Variants in VGLL3 observed in about 807,000 individuals in gnomAD.
VGLL3 encodes transcription cofactor vestigial-like protein 3.
In VGLL3, 18 loss-of-function variants were observed where a neutral mutation model predicts 29.2. The ratio of observed to expected loss-of-function variants is 0.62; its 90% CI spans 0.43 to 0.91. The LOEUF is 0.91. VGLL3 is among the 40% of genes least tolerant of loss of function. The pLI is 0.00. For missense variants in VGLL3, 440 were observed against 413.2 expected (o/e 1.06, Z -0.56); for synonymous variants, 180 against 151.8 (o/e 1.19, Z -1.36).
At chr3:86,979,824 G>A (rs1328994292) in intron 1 of VGLL3, among the ~76,000 whole-genome samples, 1 of 151,882 alleles carries the variant, frequency 6.6e-6, no homozygotes, top group African/African-American at 2.4e-5. Context: ...CTAGCATATA[G>A]ATATGCGTGT....
At chr3:86,983,452 C>G (rs1453857500) in intron 1 of VGLL3, among the ~76,000 whole-genome samples, 1 of 152,124 alleles carries the variant, frequency 6.6e-6, no homozygotes, top group South Asian at 2.1e-4. Context: ...AGTGCAATGG[C>G]GTGACCACGG....
intron 3 of VGLL3, chr3:86,962,974 A>G: frequency 4.9e-6 from 1 of 202,480 alleles, no homozygotes. Context: ...AGATGCCTGT[A>G]ATTCCAGCTA....
At position 86,990,912 on chromosome 3, in the gene VGLL3, C is replaced by T; in HGVS notation, c.-169G>A. ...TCGGGCTCCGCGCGGGGCGCGGGGT[C>T]GGGAGGGACTGGCAATCAGCGGGGG... On this transcript the variant is annotated 5_prime_UTR_variant, in exon 1 of 4. Coordinates refer to ENST00000398399, the MANE Select transcript of VGLL3 (RefSeq NM_016206.4). 2 of 1,111,410 alleles carry T rather than the reference C, an allele frequency of 1.8e-6. No homozygotes were observed. The highest frequency in any genetic ancestry group is 1.7e-5 in the African/African-American group (1 of 60,294). The allele number at this position is 1,111,410 out of a possible 1,614,324, so 68.8% of individuals were successfully genotyped here. A position where few individuals can be genotyped will look rare whatever the true frequency, so the allele number is the denominator to read the frequency against.
chr3:86,948,695 T>C (rs747938860), intron 3 of VGLL3, among the ~76,000 whole-genome samples: 5 of 152,192 alleles, frequency 3.3e-5, no homozygotes, highest in Admixed American at 6.5e-5. Flanking sequence ...TGCCAAAAGA[T>C]TGGCTCCACC....
intron 3 of VGLL3, among the ~76,000 whole-genome samples, chr3:86,958,163 A>AT (rs796311432): frequency 3.6e-4 from 53 of 148,430 alleles, no homozygotes; most frequent in South Asian, 1.1e-3. Context: ...GCTCAATTCC[A>AT]TTTTTTTTTT....
At chr3:86,983,070 T>A (rs1705361455) in intron 1 of VGLL3, among the ~76,000 whole-genome samples, 1 of 152,254 alleles carries the variant, frequency 6.6e-6, no homozygotes, top group Non-Finnish European at 1.5e-5. Context: ...GAGAAAGACT[T>A]CCATGTCAGG....
chr3:86,945,859 T>A lies in VGLL3; in HGVS notation c.*1165A>T, dbSNP rs1297528561. 2 of 136,038 alleles carry A rather than the reference T, an allele frequency of 1.5e-5. No individual in the cohort carries two copies. Among genetic ancestry groups the A allele is most frequent in the Admixed American group, 6.9e-5 (1 of 14,466 alleles). 8.4% of individuals were successfully genotyped at this position (136,038 alleles called of 1,614,324 possible). A position where few individuals can be genotyped will look rare whatever the true frequency, so the allele number is the denominator to read the frequency against. On this transcript the variant is annotated 3_prime_UTR_variant, in exon 4 of 4. Coordinates refer to ENST00000398399, the MANE Select transcript of VGLL3 (RefSeq NM_016206.4). ...GTGTTGAAACTATTATATATAGAAC[T>A]GTTTGTTTGTTTGTTTGTTTGTTTG...
intron 2 of VGLL3, among the ~76,000 whole-genome samples, chr3:86,977,930 T>C (rs1354464448): frequency 6.6e-6 from 1 of 152,210 alleles, no homozygotes; most frequent in Non-Finnish European, 1.5e-5. Flanking sequence ...GTGAGCTCGA[T>C]ACAGAGAGAA....
At chr3:86,957,987 A>T (rs2106983662) in intron 3 of VGLL3, among the ~76,000 whole-genome samples, 1 of 152,290 alleles carries the variant, frequency 6.6e-6, no homozygotes, top group East Asian at 1.9e-4. Context: ...CTCTGCTTTC[A>T]TTGAATGATA....
chr3:86,981,576 A>G (rs1178793532), intron 1 of VGLL3, among the ~76,000 whole-genome samples: 1 of 151,906 alleles, frequency 6.6e-6, no homozygotes, highest in African/African-American at 2.4e-5. Flanking sequence ...TGGTTCTTTA[A>G]AATATTTATA....
intron 1 of VGLL3, among the ~76,000 whole-genome samples, chr3:86,979,055 T>C (rs1335058485): frequency 1.3e-5 from 2 of 152,212 alleles, no homozygotes; most frequent in Admixed American, 6.5e-5. Context: ...TCAAATAGTA[T>C]ATTTTCAATA....
rs559151887 is a variant in VGLL3 at position 86,980,796 on chromosome 3, C to G, written c.127-1994G>C. ...GTATTGTTTTAACCATATGCACACA[C>G]TCTCTGCTGAATATTCGGGCACATT... On this transcript the variant is annotated intron_variant, in intron 1 of 3. Coordinates refer to ENST00000398399, the MANE Select transcript of VGLL3 (RefSeq NM_016206.4). 5.3e-4 allele frequency among the ~76,000 whole-genome samples: 80 copies of G among 150,838 alleles called. 1 individual carries two copies. Among genetic ancestry groups the G allele is most frequent in the Middle Eastern group, 3.4e-3 (1 of 294 alleles).
chr3:86,981,464 T>A (rs1705322803), intron 1 of VGLL3, among the ~76,000 whole-genome samples: 1 of 151,922 alleles, frequency 6.6e-6, no homozygotes, highest in Admixed American at 6.6e-5. Context: ...ATTCTCTCAT[T>A]GTATGTATTC....
At chr3:86,979,389 A>G (rs1705277185) in intron 1 of VGLL3, among the ~76,000 whole-genome samples, 1 of 152,196 alleles carries the variant, frequency 6.6e-6, no homozygotes, top group African/African-American at 2.4e-5. Flanking sequence ...GTGAAGATGC[A>G]TTTTGCATGG....
intron 2 of VGLL3, among the ~76,000 whole-genome samples, chr3:86,974,086 G>C (rs1172983125): frequency 1.3e-5 from 2 of 151,542 alleles, no homozygotes; most frequent in African/African-American, 4.8e-5. Context: ...TATTTGTATG[G>C]AGATAAGGGA....
At position 86,943,168 on chromosome 3, in the gene VGLL3, T is replaced by C. The variant is rs527862248; in HGVS notation, c.*3856A>G. 2 of 152,308 alleles carry C rather than the reference T, an allele frequency of 1.3e-5. No individual in the cohort carries two copies. The highest frequency in any genetic ancestry group is 4.8e-5 in the African/African-American group (2 of 41,562). The allele number at this position is 152,308 out of a possible 1,614,324, so 9.4% of individuals were successfully genotyped here. On this transcript the variant is annotated 3_prime_UTR_variant, in exon 4 of 4. Transcript: ENST00000398399. ...GAGAATGGCCTAACAGCCGAGTTCT[T>C]TTCCATTAATTCATTCTGCTTTCTA...
chr3:86,961,554 C>T lies in VGLL3; in HGVS notation c.937+7036G>A, dbSNP rs569134369. On this transcript the variant is annotated intron_variant, in intron 3 of 3. Transcript: ENST00000398399. ...GAGGAGACATATTCTTGCATTCACA[C>T]GTGAATGCCTGGTAATATGTTGTAC... Among the ~76,000 whole-genome samples the T allele has an allele frequency of 4.6e-5, 7 of 152,204 alleles. No individual in the cohort carries two copies. In the East Asian group the frequency reaches 5.8e-4, roughly 13 times the overall value.
intron 3 of VGLL3, among the ~76,000 whole-genome samples, chr3:86,967,300 T>A (rs1042497198): frequency 5.3e-5 from 8 of 152,146 alleles, no homozygotes; most frequent in Non-Finnish European, 7.4e-5. Context: ...CAAGTTGTCT[T>A]TATTTTGTTA....
intron 2 of VGLL3, among the ~76,000 whole-genome samples, chr3:86,972,774 A>T (rs921220876): frequency 6.6e-6 from 1 of 152,212 alleles, no homozygotes; most frequent in African/African-American, 2.4e-5. Context: ...AGGTGATGTT[A>T]ACCAATATTT....
Sources: gnomAD v4.1 joint callset for allele counts (sites outside exome capture counted in the v4.1 genomes callset) on GRCh38, gnomAD v4.1.1 for gene constraint, MANE v1.5 for transcripts, NCBI Gene and HGNC (gene_info 2026-07-23, HGNC 2026-07-21) for gene names.